Variants in UBN1 observed in about 807,000 individuals in gnomAD.
The protein encoded by UBN1 is ubinuclein 1, also known as ubinuclein-1.
In UBN1, 17 loss-of-function variants were observed where a neutral mutation model predicts 108.5. The observed-to-expected ratio is 0.16, with a 90% CI of 0.11 to 0.24. The LOEUF (loss-of-function observed/expected upper bound fraction) is 0.24. Ranked by LOEUF, UBN1 falls within the 10% of genes least tolerant of loss-of-function variation. The pLI is 1.00. For synonymous variants in UBN1, 726 were observed against 564.2 expected (o/e 1.29, Z -4.07); for missense variants, 1,595 against 1,394.4 (o/e 1.14, Z -2.29).
chr16:4,852,850 G>C (rs2086622425), intron 1 of UBN1, 29 bp from the exon 2 acceptor site: 2 of 1,532,682 alleles, frequency 1.3e-6, no homozygotes, highest in Non-Finnish European at 1.8e-6. Flanking sequence ...ATCTTCGTTT[G>C]ACCTGGCCCT....
At chr16:4,854,347 T>C (rs2142127052) in intron 2 of UBN1, among the ~76,000 whole-genome samples, 1 of 146,940 alleles carries the variant, frequency 6.8e-6, no homozygotes, top group Admixed American at 6.8e-5. Context: ...TTTTTTGTTG[T>C]TGTTGTTGTT....
At chr16:4,870,494 A>G in intron 9 of UBN1, 22 bp from the exon 10 acceptor site, 1 of 1,614,036 alleles carries the variant, frequency 6.2e-7, no homozygotes, top group African/African-American at 1.3e-5. Context: ...ACCTGCCTTG[A>G]ATTGTGTCCC....
In UBN1 at chr16:4,864,581, G is replaced by A. The variant is rs576829072; in HGVS notation, c.1110+3479G>A. Among the ~76,000 whole-genome samples, 4 of 152,244 alleles carry A rather than the reference G, an allele frequency of 2.6e-5. No homozygotes were observed. The South Asian group carries it at 8.3e-4, about 32-fold the overall frequency. Reference sequence around the variant, plus strand: ...CCCTCTGTTAATATGCATTGATGGTGTCTTTTGTCTTGGTTGTTGGCAGGT... The same window carrying A: ...CCCTCTGTTAATATGCATTGATGGTATCTTTTGTCTTGGTTGTTGGCAGGT... On this transcript the variant is annotated intron_variant, in intron 7 of 17. Coordinates refer to ENST00000262376, the MANE Select transcript of UBN1 (RefSeq NM_001079514.3).
chr16:4,860,066 C>G, intron 6 of UBN1, 98 bp downstream of exon 6: 1 of 1,499,114 alleles, frequency 6.7e-7, no homozygotes, highest in Non-Finnish European at 9.0e-7. Context: ...TCGGAAGAGG[C>G]AGCAGGGCCT....
chr16:4,870,184 C>T lies in UBN1; in HGVS notation c.1182-28C>T, dbSNP rs757184169. ...AGACAGGAGTTGCAGTGAGCTGCAGCCGGTGGTGACTGTGTTTTGTTCTTC... is the reference window on the plus strand; with the variant it reads ...AGACAGGAGTTGCAGTGAGCTGCAGTCGGTGGTGACTGTGTTTTGTTCTTC... On this transcript the variant is annotated intron_variant, in intron 8 of 17. Transcript: ENST00000262376. 9.9e-6 allele frequency: 16 copies of T among 1,613,396 alleles called. No homozygotes were observed. In the East Asian group the frequency reaches 3.1e-4, roughly 31 times the overall value.
Position 4,875,404 on chromosome 16 carries a change from T to C in UBN1, c.2994T>C (p.Val998=), listed in dbSNP as rs562315347. ...CGCCGTCCCTAAAGCCCTCTGCAGTTAGTAGTGTGACATCGTCTACCTCCT... is the reference window on the plus strand; with the variant it reads ...CGCCGTCCCTAAAGCCCTCTGCAGTCAGTAGTGTGACATCGTCTACCTCCT... The part of the protein sequence containing the change: ...LTSPSLKPSA[V]SSVTSSTSLS... The change falls in exon 15 of 18, where the codon GTT becomes GTC. Residue 998 remains valine (V), a synonymous_variant. Transcript: ENST00000262376. 4.2e-5 allele frequency: 67 copies of C among 1,613,400 alleles called. No homozygotes were observed. In the East Asian group the frequency reaches 1.4e-3, roughly 34 times the overall value.
intron 4 of UBN1, 108 bp downstream of exon 4, chr16:4,858,771 G>A (rs1020707751): frequency 2.1e-5 from 23 of 1,098,404 alleles, no homozygotes; most frequent in Non-Finnish European, 3.0e-5. Context: ...CCTCTTCCCA[G>A]CATGAGGCAG....
In UBN1 at chr16:4,871,446, A is replaced by T. The variant is rs1175378548; in HGVS notation, c.1706+145A>T. 2.5e-6 allele frequency: 3 copies of T among 1,205,014 alleles called. No homozygotes were observed. The Admixed American group carries it at 9.0e-5, about 36-fold the overall frequency. The allele number at this position is 1,205,014 out of a possible 1,614,324, so 74.6% of individuals were successfully genotyped here. A position where few individuals can be genotyped will look rare whatever the true frequency, so the allele number is the denominator to read the frequency against. On this transcript the variant is annotated intron_variant, in intron 12 of 17. Transcript: ENST00000262376. ...GATCTCACCTGAGTAACTGGGGGAC[A>T]TGCAGGTAGCTGGGAAAGGGTCTTC...
chr16:4,853,699 C>T (rs1321915857), intron 2 of UBN1, among the ~76,000 whole-genome samples: 1 of 151,746 alleles, frequency 6.6e-6, no homozygotes, highest in Non-Finnish European at 1.5e-5. Context: ...CTGGGACTGA[C>T]TACAGGTGCA....
Position 4,859,134 on chromosome 16 carries a change from A to T in UBN1, c.542A>T (p.Lys181Ile). Reference sequence around the variant, plus strand: ...TCAGAGTCTGAAGATGACTTCATTAAAGAAAAGAAGAAAAAATCTCCAAAG... The same window carrying T: ...TCAGAGTCTGAAGATGACTTCATTATAGAAAAGAAGAAAAAATCTCCAAAG... ...QASESEDDFI[K>I]EKKKKSPKKR... Residue 181 changes from lysine (K) to isoleucine (I), a missense_variant, in exon 5 of 18, where the codon AAA becomes ATA. Transcript: ENST00000262376. 1 of 1,613,432 alleles carries T rather than the reference A, an allele frequency of 6.2e-7. No homozygotes were observed. Among genetic ancestry groups the T allele is most frequent in the South Asian group, 1.1e-5 (1 of 90,910 alleles).
chr16:4,863,616 C>A (rs143390439), intron 7 of UBN1, among the ~76,000 whole-genome samples: 1 of 151,058 alleles, frequency 6.6e-6, no homozygotes, highest in Non-Finnish European at 1.5e-5. Context: ...CCCTAATTTT[C>A]CCCCCCTTTT....
At position 4,872,786 on chromosome 16, in the gene UBN1, G is replaced by C. The variant is rs74003527; in HGVS notation, c.1707-98G>C. The stretch of plus-strand genomic sequence containing the variant: ...GCCTGGCCAGTTGACATTTAATGAG[G>C]GATAGCTACTGAGGACCAGGGACAC... On this transcript the variant is annotated intron_variant, in intron 12 of 17. Transcript: ENST00000262376. The C allele has an allele frequency of 4.4e-3, 6,181 of 1,395,790 alleles. 150 individuals are homozygous for C. In the African/African-American group the frequency reaches 0.066, roughly 15 times the overall value. 86.5% of individuals were successfully genotyped at this position (1,395,790 alleles called of 1,614,324 possible).
rs1365017724 is a variant in UBN1 at position 4,877,341 on chromosome 16, A to G, written c.3266-44A>G. On this transcript the variant is annotated intron_variant, in intron 16 of 17. Coordinates refer to ENST00000262376, the MANE Select transcript of UBN1 (RefSeq NM_001079514.3). This position sits in a 1 kb window ranked among gnomAD's most constrained non-coding sequence, Gnocchi z 4.3. The stretch of plus-strand genomic sequence containing the variant: ...GAGCTGCTTTCCTGTTCCTGTCTTC[A>G]ATGTGTGTGTTTTGTTCTTTTCTCC... 2 of 1,586,214 alleles carry G rather than the reference A, an allele frequency of 1.3e-6. No individual in the cohort carries two copies. The highest frequency in any genetic ancestry group is 3.5e-5 in the Admixed American group (2 of 57,226).
chr16:4,858,179 A>T, intron 3 of UBN1, 103 bp downstream of exon 3: 1 of 814,332 alleles, frequency 1.2e-6, no homozygotes, highest in Non-Finnish European at 2.1e-6. Flanking sequence ...CTGATCTGGA[A>T]GTAAGCCTTA....
rs746437805 is a variant in UBN1, at chr16:4,870,836, C to T, written c.1431-8C>T. On this transcript the variant is annotated splice_region_variant and splice_polypyrimidine_tract_variant and intron_variant, in intron 10 of 17. Coordinates refer to ENST00000262376, the MANE Select transcript of UBN1 (RefSeq NM_001079514.3). ...TTGGGGCCCCATGTAATTCTATTCA[C>T]CCCGTAGGATGCTGGAAGAGGAGAA... 1.9e-6 allele frequency: 3 copies of T among 1,613,300 alleles called. No individual in the cohort carries two copies. The highest frequency in any genetic ancestry group is 2.2e-5 in the East Asian group (1 of 44,858).
chr16:4,856,628 G>T (rs968796789), intron 2 of UBN1, among the ~76,000 whole-genome samples: 3 of 152,164 alleles, frequency 2.0e-5, no homozygotes, highest in Non-Finnish European at 4.4e-5. Flanking sequence ...TTAGTGTTGG[G>T]ACAGAGCTGG....
intron 13 of UBN1, 23 bp from the exon 14 acceptor site, chr16:4,873,008 T>C (rs536864157): frequency 1.2e-6 from 2 of 1,614,116 alleles, no homozygotes; most frequent in South Asian, 1.1e-5. Flanking sequence ...TCTAAACTTT[T>C]CTGTGCTCAT....
intron 17 of UBN1, among the ~76,000 whole-genome samples, chr16:4,879,491 A>G (rs1356948908): frequency 6.6e-6 from 1 of 151,594 alleles, no homozygotes; most frequent in Non-Finnish European, 1.5e-5. Context: ...TCGAGGAAAA[A>G]GAAAATCAAT....
chr16:4,864,801 A>G (rs1401477769), intron 7 of UBN1, among the ~76,000 whole-genome samples: 1 of 152,212 alleles, frequency 6.6e-6, no homozygotes, highest in Non-Finnish European at 1.5e-5. Context: ...TGCCCTCTAT[A>G]GAATTAGAAC....
Sources: allele counts gnomAD v4.1 joint callset (sites outside exome capture counted in the v4.1 genomes callset), GRCh38; gene constraint gnomAD v4.1.1; non-coding constraint Gnocchi (gnomAD v3.1); transcripts MANE v1.5; gene names NCBI Gene and HGNC (gene_info 2026-07-23, HGNC 2026-07-21).